SOS2: variants seen among roughly 807,000 people sequenced by gnomAD.
The protein encoded by SOS2 is son of sevenless homolog 2.
A neutral mutation model predicts 148.2 loss-of-function variants in SOS2; 65 were observed. The observed-to-expected ratio is 0.44, with a 90% CI of 0.36 to 0.54. The LOEUF is 0.54. Ranked by LOEUF, SOS2 falls within the 20% of genes least tolerant of loss-of-function variation. SOS2 has a pLI of 0.00. For missense variants in SOS2, 1,341 were observed against 1,590.2 expected, an observed-to-expected ratio of 0.84 and a Z score of 2.67; for synonymous variants, 539 against 537.1, an observed-to-expected ratio of 1.00 and a Z score of -0.05.
chr14:50,213,319 T>A (rs144253680), intron 1 of SOS2, among the ~76,000 whole-genome samples: 4 of 152,128 alleles, frequency 2.6e-5, no homozygotes, highest in Non-Finnish European at 5.9e-5. Flanking sequence ...ATAAGTGTAC[T>A]ACATAGAAAA....
At chr14:50,216,376 C>T (rs12050083) in intron 1 of SOS2, among the ~76,000 whole-genome samples, 43,910 of 151,612 alleles carry the variant, frequency 0.29, 6,595 homozygotes, top group Admixed American at 0.4. Flanking sequence ...GGATTATGGA[C>T]GTGAGCCACG....
chr14:50,180,888 A>T (rs140534559), intron 6 of SOS2, among the ~76,000 whole-genome samples: 1,961 of 152,268 alleles, frequency 0.013, 18 homozygotes, highest in Non-Finnish European at 0.019. Context: ...GAGAAGAAGA[A>T]AGATTTCTTT....
intron 16 of SOS2, among the ~76,000 whole-genome samples, chr14:50,144,639 C>T (rs185771406): frequency 9.7e-4 from 147 of 151,910 alleles, no homozygotes; most frequent in Non-Finnish European, 1.6e-3. Flanking sequence ...GGTTTCGCCG[C>T]GTTGTCCAGG....
chr14:50,149,845 G>T (rs923901202), intron 14 of SOS2, among the ~76,000 whole-genome samples, 163 bp downstream of exon 14: 1 of 152,132 alleles, frequency 6.6e-6, no homozygotes, highest in Non-Finnish European at 1.5e-5. Context: ...ACTTTTACTT[G>T]CAGGGCAGAC....
intron 6 of SOS2, among the ~76,000 whole-genome samples, chr14:50,180,892 T>C (rs2139703304): frequency 6.6e-6 from 1 of 152,070 alleles, no homozygotes; most frequent in Non-Finnish European, 1.5e-5. Flanking sequence ...AGAAGAAAGA[T>C]TTCTTTTCCC....
chr14:50,188,286 T>A (rs1885990481), intron 5 of SOS2, among the ~76,000 whole-genome samples: 1 of 152,040 alleles, frequency 6.6e-6, no homozygotes, highest in South Asian at 2.1e-4. Flanking sequence ...ATGCCTCTAA[T>A]CCCAGCTACT....
chr14:50,197,598 C>G (rs1886350390), intron 4 of SOS2, among the ~76,000 whole-genome samples: 1 of 151,534 alleles, frequency 6.6e-6, no homozygotes. Context: ...AGAGTTGATT[C>G]TAACATCTCT....
At chr14:50,145,642 A>G (rs1884442544) in intron 14 of SOS2, 46 bp from the exon 15 acceptor site, 4 of 1,267,454 alleles carry the variant, frequency 3.2e-6, no homozygotes, top group South Asian at 2.8e-5. Context: ...AAGGATTTGT[A>G]TTACTTAAAG....
At chr14:50,186,313 T>C (rs1195636250) in intron 5 of SOS2, among the ~76,000 whole-genome samples, 1 of 152,092 alleles carries the variant, frequency 6.6e-6, no homozygotes, top group Non-Finnish European at 1.5e-5. Flanking sequence ...AAGAGACCCA[T>C]AAAAATTAAT....
intron 1 of SOS2, among the ~76,000 whole-genome samples, chr14:50,224,557 C>G (rs1358575495): frequency 6.6e-6 from 1 of 151,948 alleles, no homozygotes; most frequent in African/African-American, 2.4e-5. Flanking sequence ...GCTAATAGGT[C>G]AGTTAAGAAA....
Position 50,201,010 on chromosome 14 carries a change from T to C in SOS2, c.288A>G (p.Lys96=). 1 of 1,613,938 alleles carries C rather than the reference T, an allele frequency of 6.2e-7. No homozygotes were observed. Among genetic ancestry groups the C allele is most frequent in the Non-Finnish European group, 8.5e-7 (1 of 1,179,924 alleles). The stretch of plus-strand genomic sequence containing the variant: ...GTAAAAGAGGATTTCTTCGTTTTCG[T>C]TTTTCTATAGCAGATTGTGCATCAG... ...AIADAQSAIE[K]RKRRNPLLLP... Residue 96 remains lysine, a synonymous_variant, in exon 3 of 23, where the codon AAA becomes AAG. Transcript: ENST00000216373.
Position 50,201,054 on chromosome 14 carries a change from T to C in SOS2, c.244A>G (p.Ile82Val), listed in dbSNP as rs545263131. The C allele has an allele frequency of 1.8e-5, 29 of 1,613,120 alleles. No individual in the cohort carries two copies. Among genetic ancestry groups the C allele is most frequent in the East Asian group, 4.5e-5 (2 of 44,856 alleles). The change falls in exon 3 of 23, where the codon ATT (isoleucine) becomes GTT (valine). Residue 82 changes from isoleucine to valine, a missense_variant. Physicochemically the swap from Ile to Val is conservative, Grantham distance 29. Transcript: ENST00000216373. ...GCATCAGCAATGGCCCATTTATCAA[T>C]TGGGTGAGGAAAGGTCTTCTGAACT... ...ERVQKTFPHP[I>V]DKWAIADAQS...
rs142119100 is a variant in SOS2 at position 50,129,870 on chromosome 14, A to G, written c.3379+91T>C. On this transcript the variant is annotated intron_variant, in intron 21 of 22. Transcript: ENST00000216373. ...TATTTATAACTTTTCTTGTTCTTTA[A>G]TATTGCCAAAACTCAAAATACTCAA... 9 of 750,390 alleles carry G rather than the reference A, an allele frequency of 1.2e-5. No individual in the cohort carries two copies. The African/African-American group carries it at 1.4e-4, about 12-fold the overall frequency. 46.5% of individuals were successfully genotyped at this position (750,390 alleles called of 1,614,324 possible). A position where few individuals can be genotyped will look rare whatever the true frequency, so the allele number is the denominator to read the frequency against.
intron 1 of SOS2, among the ~76,000 whole-genome samples, chr14:50,229,483 T>A (rs962623848): frequency 6.7e-6 from 1 of 149,068 alleles, no homozygotes; most frequent in Non-Finnish European, 1.5e-5. Flanking sequence ...ATGCTAATCT[T>A]GGCTTCTCCA....
Position 50,180,642 on chromosome 14 carries a change from A to G in SOS2, c.899T>C (p.Ile300Thr). ...ATGTTCATGAAACTCTGGTGAAAGA[A>G]TGTCCTGTGATAATGTTTCATAAGG... ...FDPYETLSQD[I>T]LSPEFHEHFN... Residue 300 changes from isoleucine (I) to threonine (T), a missense_variant, in exon 7 of 23, where the codon ATT (isoleucine) becomes ACT (threonine). Physicochemically the swap from Ile to Thr is moderately conservative, Grantham distance 89. This residue lies in a region of SOS2 where 574 missense variants were observed against 711.1 expected (regional missense o/e 0.81). Coordinates refer to ENST00000216373, the MANE Select transcript of SOS2 (RefSeq NM_006939.4). The G allele has an allele frequency of 6.2e-7, 1 of 1,602,742 alleles. No individual in the cohort carries two copies. The highest frequency in any genetic ancestry group is 1.7e-5 in the Admixed American group (1 of 57,740).
At chr14:50,149,467 G>T (rs923668709) in intron 14 of SOS2, among the ~76,000 whole-genome samples, 1 of 152,126 alleles carries the variant, frequency 6.6e-6, no homozygotes, top group Non-Finnish European at 1.5e-5. Context: ...CATGGAAGTA[G>T]AGAGTAGAAC....
At chr14:50,197,985 G>A (rs1886366857) in intron 4 of SOS2, among the ~76,000 whole-genome samples, 1 of 147,752 alleles carries the variant, frequency 6.8e-6, no homozygotes, top group South Asian at 2.1e-4. Context: ...CCACCACCTG[G>A]CCTGCTTTGC....
intron 6 of SOS2, among the ~76,000 whole-genome samples, chr14:50,181,167 G>A (rs1475869227): frequency 6.6e-6 from 1 of 152,090 alleles, no homozygotes; most frequent in Non-Finnish European, 1.5e-5. Flanking sequence ...TAGAATATAT[G>A]ACTGGGCGCG....
At position 50,201,621 on chromosome 14, in the gene SOS2, G is replaced by A. The variant is rs191377580; in HGVS notation, c.214-537C>T. 7.3e-4 allele frequency among the ~76,000 whole-genome samples: 107 copies of A among 145,772 alleles called. 1 individual carries two copies. Among genetic ancestry groups the A allele is most frequent in the Admixed American group, 7.1e-3 (105 of 14,694 alleles). On this transcript the variant is annotated intron_variant, in intron 2 of 22. Transcript: ENST00000216373. ...AAAACAAAAAGGTAAACTTCAAAAAGAAAGCTTTAAACATAATTAAGATGA... is the reference window on the plus strand; with the variant it reads ...AAAACAAAAAGGTAAACTTCAAAAAAAAAGCTTTAAACATAATTAAGATGA...
Sources: gnomAD v4.1 joint callset for allele counts (sites outside exome capture counted in the v4.1 genomes callset) on GRCh38, gnomAD v4.1.1 for gene constraint, gnomAD v4.1.1 regional missense constraint, MANE v1.5 for transcripts, NCBI Gene and HGNC (gene_info 2026-07-23, HGNC 2026-07-21) for gene names.